Variants in PTPRT observed in about 807,000 individuals in gnomAD.
PTPRT encodes protein tyrosine phosphatase receptor type T.
A neutral mutation model predicts 176.8 loss-of-function variants in PTPRT; 56 were observed. That is an observed-to-expected ratio of 0.32 (90% CI 0.26 to 0.40). PTPRT has a LOEUF of 0.40. Among genes scored for constraint, PTPRT ranks in the 10% least tolerant of loss-of-function variants. The probability of loss-of-function intolerance (pLI) is 1.00; values close to 1 mark genes in which losing one functional copy is unlikely to be tolerated. For synonymous variants in PTPRT, 783 were observed against 739.0 expected (o/e 1.06, Z -0.96); for missense variants, 1,540 against 1,908.2 (o/e 0.81, Z 3.60).
intron 11 of PTPRT, among the ~76,000 whole-genome samples, chr20:42,345,397 A>G (rs1358507194): frequency 6.7e-6 from 1 of 149,352 alleles, no homozygotes; most frequent in Non-Finnish European, 1.5e-5. Flanking sequence ...ACACACATAT[A>G]TATATAAAAC....
At chr20:42,964,805 T>C (rs1982201735) in intron 1 of PTPRT, among the ~76,000 whole-genome samples, 1 of 152,206 alleles carries the variant, frequency 6.6e-6, no homozygotes, top group Non-Finnish European at 1.5e-5. Context: ...ACCATGAGGC[T>C]AAAGTTTGAA....
intron 13 of PTPRT, among the ~76,000 whole-genome samples, chr20:42,271,313 T>C (rs754165999): frequency 3.3e-5 from 5 of 152,190 alleles, no homozygotes; most frequent in Non-Finnish European, 5.9e-5. Flanking sequence ...TCCCTCCTGC[T>C]CCTTCACCTG....
intron 2 of PTPRT, among the ~76,000 whole-genome samples, chr20:42,865,051 T>C (rs914259876): frequency 1.3e-5 from 2 of 152,230 alleles, no homozygotes; most frequent in Non-Finnish European, 2.9e-5. Flanking sequence ...ATCTGCTCCA[T>C]GCTGCTACCA....
intron 9 of PTPRT, among the ~76,000 whole-genome samples, chr20:42,388,359 T>G (rs1386978252): frequency 6.6e-6 from 1 of 151,768 alleles, no homozygotes; most frequent in Non-Finnish European, 1.5e-5. Context: ...TGGGAGAAAA[T>G]TTTTGCAACC....
chr20:42,763,644 G>A (rs1435337030), intron 5 of PTPRT, among the ~76,000 whole-genome samples: 8 of 152,196 alleles, frequency 5.3e-5, no homozygotes, highest in South Asian at 2.1e-4. Context: ...CTGCTGCCAC[G>A]GCATGACATT....
At chr20:42,311,833 T>C (rs1600817845) in intron 12 of PTPRT, among the ~76,000 whole-genome samples, 2 of 152,174 alleles carry the variant, frequency 1.3e-5, no homozygotes, top group East Asian at 3.8e-4. Flanking sequence ...TAAGTATAGA[T>C]TGGAGAGCTG....
chr20:42,789,774 T>A (rs2077346154), intron 3 of PTPRT, among the ~76,000 whole-genome samples: 1 of 152,216 alleles, frequency 6.6e-6, no homozygotes, highest in African/African-American at 2.4e-5. Flanking sequence ...GTCTAAATAT[T>A]GAGGGTAATT....
chr20:42,748,023 T>C (rs2076715081), intron 6 of PTPRT, among the ~76,000 whole-genome samples: 1 of 152,230 alleles, frequency 6.6e-6, no homozygotes, highest in Admixed American at 6.5e-5. Flanking sequence ...ATCAGCAAAC[T>C]GTGGCCAAAT....
At chr20:42,799,298 A>C (rs176380) in intron 2 of PTPRT, among the ~76,000 whole-genome samples, 51,762 of 151,876 alleles carry the variant, frequency 0.34, 9,273 homozygotes, top group East Asian at 0.6. Context: ...ACAAAGCAGA[A>C]TAACATGTAA....
At chr20:42,745,419 G>A (rs2076677818) in intron 6 of PTPRT, among the ~76,000 whole-genome samples, 3 of 152,210 alleles carry the variant, frequency 2.0e-5, no homozygotes, top group Non-Finnish European at 4.4e-5. Context: ...GGGCCATGCT[G>A]TGTATCGTAG....
intron 7 of PTPRT, among the ~76,000 whole-genome samples, chr20:42,643,695 C>G (rs2074818222): frequency 6.6e-6 from 1 of 152,064 alleles, no homozygotes; most frequent in Admixed American, 6.5e-5. Context: ...GATGGGCAAG[C>G]ATTTCAAGCT....
chr20:42,184,468 CACTCCT>C (rs1196618662), intron 16 of PTPRT, among the ~76,000 whole-genome samples: 3 of 148,620 alleles, frequency 2.0e-5, no homozygotes, highest in Non-Finnish European at 4.5e-5. Flanking sequence ...CTCCCCTCCC[CACTCCT>C]TCCTTTCTTC....
intron 6 of PTPRT, among the ~76,000 whole-genome samples, chr20:42,739,089 G>T (rs371488135): frequency 6.6e-6 from 1 of 152,068 alleles, no homozygotes; most frequent in African/African-American, 2.4e-5. Flanking sequence ...AAACAAAATG[G>T]CAAATGGTAC....
intron 2 of PTPRT, among the ~76,000 whole-genome samples, chr20:42,793,583 G>A (rs938570731): frequency 7.2e-5 from 11 of 152,196 alleles, no homozygotes; most frequent in African/African-American, 2.7e-4. Flanking sequence ...TCTTTGCCTG[G>A]TGTTTCTGAG....
At chr20:43,174,340 A>G (rs911266410) in intron 1 of PTPRT, among the ~76,000 whole-genome samples, 7 of 152,216 alleles carry the variant, frequency 4.6e-5, no homozygotes, top group Non-Finnish European at 1.0e-4. Flanking sequence ...GTGTTATGAA[A>G]ACTCAAGGAG....
At chr20:42,403,912 A>G (rs549428566) in intron 9 of PTPRT, among the ~76,000 whole-genome samples, 56 of 152,062 alleles carry the variant, frequency 3.7e-4, no homozygotes, top group African/African-American at 1.3e-3. Context: ...TCCTCATTCT[A>G]TGGGAGTCTA....
intron 1 of PTPRT, among the ~76,000 whole-genome samples, chr20:43,000,802 A>C (rs6065562): frequency 6.6e-6 from 1 of 152,034 alleles, no homozygotes; most frequent in Non-Finnish European, 1.5e-5. Flanking sequence ...GTGATACGAC[A>C]GAAGAAAATA....
intron 2 of PTPRT, among the ~76,000 whole-genome samples, chr20:42,835,559 T>C (rs1457626767): frequency 6.6e-6 from 1 of 152,106 alleles, no homozygotes; most frequent in Non-Finnish European, 1.5e-5. Flanking sequence ...GGGCAGAGAA[T>C]GAGAGGGGAA....
intron 16 of PTPRT, among the ~76,000 whole-genome samples, chr20:42,192,579 C>T (rs931294829): frequency 1.3e-5 from 2 of 152,192 alleles, no homozygotes; most frequent in African/African-American, 2.4e-5. Context: ...GAAAATACCT[C>T]TTAAGGTGAC....
Sources: allele counts gnomAD v4.1 joint callset (sites outside exome capture counted in the v4.1 genomes callset), GRCh38; gene constraint gnomAD v4.1.1; transcripts MANE v1.5; gene names NCBI Gene and HGNC (gene_info 2026-07-23, HGNC 2026-07-21).